Variants in RAPGEF6 observed in about 807,000 individuals in gnomAD.
The protein encoded by RAPGEF6 is PDZ domain containing guanine nucleotide exchange factor (GEF) 2.
Under a neutral mutation model 171.4 loss-of-function variants are expected in RAPGEF6, and 56 were observed. That is an observed-to-expected ratio of 0.33 (90% confidence interval 0.26 to 0.41). RAPGEF6 has a LOEUF of 0.41. Among genes scored for constraint, RAPGEF6 ranks in the 10% least tolerant of loss-of-function variants. RAPGEF6 has a pLI of 1.00. For missense variants in RAPGEF6, 1,674 were observed against 1,921.4 expected (o/e 0.87, Z 2.41); for synonymous variants, 692 against 650.1 (o/e 1.06, Z -0.98).
In RAPGEF6 at chr5:131,479,653, A is replaced by T; in HGVS notation, c.1941T>A (p.His647Gln). The T allele has an allele frequency of 6.2e-7, 1 of 1,614,018 alleles. No homozygotes were observed. ...EKKSNRHSIQ[H>Q]VPGDIEQTSQ... ...ATGTCTGTTCAATATCTCCTGGCACATGCTGGATAGAATGGCGATTACTTT... is the reference window on the plus strand; with the variant it reads ...ATGTCTGTTCAATATCTCCTGGCACTTGCTGGATAGAATGGCGATTACTTT... Residue 647 changes from histidine (H) to glutamine (Q), a missense_variant, in exon 16 of 28, where the codon CAT becomes CAA. Coordinates refer to ENST00000509018, the MANE Select transcript of RAPGEF6 (RefSeq NM_016340.6).
rs762696870 is a variant in RAPGEF6 at position 131,635,205 on chromosome 5, C to T, written c.-175G>A. The stretch of plus-strand genomic sequence containing the variant: ...AACGCCCGCCTAAGGCCTCTACCCA[C>T]GCGCGACTGGCCGGAGACAAGTCTG... On this transcript the variant is annotated 5_prime_UTR_variant, in exon 1 of 28. In the 5' UTR this introduces an upstream ATG that the reference lacks. Transcript: ENST00000509018. 44 of 623,380 alleles carry T rather than the reference C, an allele frequency of 7.1e-5. No individual in the cohort carries two copies. The highest frequency in any genetic ancestry group is 1.1e-4 in the Non-Finnish European group (40 of 375,846). 38.6% of individuals were successfully genotyped at this position (623,380 alleles called of 1,614,324 possible).
At chr5:131,433,249 A>C (rs980996642) in intron 25 of RAPGEF6, among the ~76,000 whole-genome samples, 181 bp downstream of exon 25, 1 of 152,194 alleles carries the variant, frequency 6.6e-6, no homozygotes, top group Non-Finnish European at 1.5e-5. Flanking sequence ...ACACCCATAC[A>C]TCTTTCAACA....
chr5:131,633,061 G>A (rs532290438), intron 1 of RAPGEF6, among the ~76,000 whole-genome samples: 1 of 152,236 alleles, frequency 6.6e-6, no homozygotes, highest in East Asian at 1.9e-4. Flanking sequence ...TCAGCCAGGC[G>A]CGGGGCTCAC....
chr5:131,569,454 T>C (rs905469101), intron 4 of RAPGEF6, among the ~76,000 whole-genome samples: 2 of 152,094 alleles, frequency 1.3e-5, no homozygotes, highest in Non-Finnish European at 2.9e-5. Context: ...ACCAAGGCAA[T>C]TCAATGGGGA....
At chr5:131,520,482 T>C (rs1027643198) in intron 7 of RAPGEF6, among the ~76,000 whole-genome samples, 1 of 152,254 alleles carries the variant, frequency 6.6e-6, no homozygotes, top group Non-Finnish European at 1.5e-5. Context: ...TTTCCTTTTA[T>C]ATTTTTTAAT....
At chr5:131,489,701 T>C in intron 14 of RAPGEF6, 47 bp from the exon 15 acceptor site, 1 of 1,054,222 alleles carries the variant, frequency 9.5e-7, no homozygotes, top group Non-Finnish European at 1.4e-6. Context: ...CAGTATTAGT[T>C]ACTCCTACAA....
At chr5:131,498,392 A>C (rs1756778740) in intron 12 of RAPGEF6, 51 bp downstream of exon 12, 1 of 1,506,974 alleles carries the variant, frequency 6.6e-7, no homozygotes, top group Non-Finnish European at 9.0e-7. Context: ...TAAAAGTTTC[A>C]TGAATAAAAT....
intron 2 of RAPGEF6, among the ~76,000 whole-genome samples, chr5:131,604,058 A>G (rs1231605908): frequency 6.6e-6 from 1 of 152,022 alleles, no homozygotes; most frequent in South Asian, 2.1e-4. Context: ...TTTTCAGAAG[A>G]AAAAAACAAG....
intron 11 of RAPGEF6, among the ~76,000 whole-genome samples, chr5:131,502,706 C>A (rs916315321): frequency 6.6e-6 from 1 of 152,220 alleles, no homozygotes; most frequent in African/African-American, 2.4e-5. Flanking sequence ...CAACTAAATG[C>A]AACTGTGTTC....
intron 4 of RAPGEF6, among the ~76,000 whole-genome samples, chr5:131,573,765 A>C (rs1762444476): frequency 6.6e-6 from 1 of 152,148 alleles, no homozygotes; most frequent in African/African-American, 2.4e-5. Flanking sequence ...CACGGTAAAG[A>C]TGAAAACCCA....
chr5:131,456,170 TAAG>T (rs1310389410), intron 19 of RAPGEF6, among the ~76,000 whole-genome samples, 158 bp from the exon 20 acceptor site: 1 of 152,112 alleles, frequency 6.6e-6, no homozygotes, highest in Non-Finnish European at 1.5e-5. Flanking sequence ...AAAAAATAAA[TAAG>T]AGACTCCCTG....
intron 11 of RAPGEF6, among the ~76,000 whole-genome samples, chr5:131,503,226 C>T (rs1757138953): frequency 6.6e-6 from 1 of 152,192 alleles, no homozygotes; most frequent in Non-Finnish European, 1.5e-5. Flanking sequence ...TGAGGCATCA[C>T]ATTTGCAGAC....
At chr5:131,466,493 A>G (rs1397650714) in intron 17 of RAPGEF6, among the ~76,000 whole-genome samples, 1 of 152,186 alleles carries the variant, frequency 6.6e-6, no homozygotes, top group Non-Finnish European at 1.5e-5. Flanking sequence ...TGTAACTCCC[A>G]CAATTCCCAC....
rs578109257 is a variant in RAPGEF6 at position 131,537,540 on chromosome 5, T to C, written c.495+10507A>G. On this transcript the variant is annotated intron_variant, in intron 6 of 27. Transcript: ENST00000509018. ...AAAGTTGTTTGTAATAGGAGAAAAA[T>C]TGGAAGCCACGTGAGAATACTTCGT... Among the ~76,000 whole-genome samples the C allele has an allele frequency of 3.8e-4, 58 of 152,214 alleles. 1 individual carries two copies. In the South Asian group the frequency reaches 0.012, roughly 30 times the overall value.
rs772738623 is a variant in RAPGEF6, at chr5:131,464,232, G to A, written c.2289C>T (p.Cys763=). 12 of 1,613,486 alleles carry A rather than the reference G, an allele frequency of 7.4e-6. No individual in the cohort carries two copies. The South Asian group carries it at 1.2e-4, about 16-fold the overall frequency. ...IRVFKVDQQS[C]YIIISKDTTA... ...TGGTGTCTTTACTGATGATAATGTA[G>A]CAACTTTGCTGATCCACTTTGAAAA... The change falls in exon 18 of 28, where the codon TGC becomes TGT. Residue 763 remains cysteine, a synonymous_variant. Coordinates refer to ENST00000509018, the MANE Select transcript of RAPGEF6 (RefSeq NM_016340.6).
At chr5:131,632,561 A>G (rs1766379322) in intron 1 of RAPGEF6, among the ~76,000 whole-genome samples, 1 of 151,582 alleles carries the variant, frequency 6.6e-6, no homozygotes, top group Non-Finnish European at 1.5e-5. Flanking sequence ...TGCCTTCCCC[A>G]CTCTTCATGC....
chr5:131,463,891 A>T, intron 18 of RAPGEF6, 150 bp downstream of exon 18: 1 of 1,383,176 alleles, frequency 7.2e-7, no homozygotes, highest in Non-Finnish European at 9.4e-7. Flanking sequence ...TTATTTTAGC[A>T]GGAGTGACAA....
intron 4 of RAPGEF6, among the ~76,000 whole-genome samples, chr5:131,583,436 C>G (rs538581770): frequency 6.6e-6 from 1 of 152,208 alleles, no homozygotes; most frequent in Non-Finnish European, 1.5e-5. Flanking sequence ...TGCAGACCAA[C>G]AATGTCACTG....
chr5:131,445,734 A>C (rs1752649456), intron 22 of RAPGEF6, among the ~76,000 whole-genome samples: 1 of 151,950 alleles, frequency 6.6e-6, no homozygotes, highest in South Asian at 2.1e-4. Flanking sequence ...CACTTGGATA[A>C]TTTTAATTTT....
Sources: allele counts gnomAD v4.1 joint callset (sites outside exome capture counted in the v4.1 genomes callset), GRCh38; gene constraint gnomAD v4.1.1; transcripts MANE v1.5; gene names NCBI Gene and HGNC (gene_info 2026-07-23, HGNC 2026-07-21).